Variants in PLEKHG3 observed in about 807,000 individuals in gnomAD.
PLEKHG3 encodes the protein pleckstrin homology domain-containing family G member 3.
PLEKHG3 carries 62 observed loss-of-function variants against 94.9 expected under a neutral mutation model. That is an observed-to-expected ratio of 0.65 (90% CI 0.53 to 0.81). The LOEUF is 0.81. PLEKHG3 is among the 30% of genes least tolerant of loss of function. PLEKHG3 has a pLI of 0.00. For missense variants in PLEKHG3, 1,461 were observed against 1,619.3 expected, an observed-to-expected ratio of 0.90 and a Z score of 1.68; for synonymous variants, 614 against 654.0, an observed-to-expected ratio of 0.94 and a Z score of 0.93.
chr14:64,729,896 C>T (rs2081426607), intron 3 of PLEKHG3, among the ~76,000 whole-genome samples: 1 of 152,120 alleles, frequency 6.6e-6, no homozygotes, highest in Non-Finnish European at 1.5e-5. Context: ...TTTGCTAGTC[C>T]CCATTCTCTC....
intron 12 of PLEKHG3, among the ~76,000 whole-genome samples, chr14:64,734,888 T>C (rs545636640): frequency 6.8e-6 from 1 of 148,130 alleles, no homozygotes; most frequent in South Asian, 2.1e-4. Flanking sequence ...GCCCAGCTAG[T>C]TTTTTTTTTG....
In PLEKHG3 at chr14:64,749,816, G is replaced by A. The variant is rs2081916264; in HGVS notation, c.*6113G>A. 6.7e-7 allele frequency: 1 copy of A among 1,496,212 alleles called. No individual in the cohort carries two copies. The highest frequency in any genetic ancestry group is 1.4e-5 in the African/African-American group (1 of 72,090). 92.7% of individuals were successfully genotyped at this position (1,496,212 alleles called of 1,614,324 possible). ...ATCCAGACCCCTCTCAGGCAGCCCA[G>A]CACTTTCTGAGAGGTCAAAGTCTGG... is the stretch of plus-strand genomic sequence containing the variant. On this transcript the variant is annotated 3_prime_UTR_variant, in exon 17 of 17. Coordinates refer to ENST00000247226, the MANE Select transcript of PLEKHG3 (RefSeq NM_001308147.2). This position sits in a 1 kb window ranked among gnomAD's most constrained non-coding sequence, Gnocchi z 4.7.
intron 12 of PLEKHG3, among the ~76,000 whole-genome samples, chr14:64,734,730 T>TTTCC (rs1235472969): frequency 1.9e-4 from 26 of 136,624 alleles, no homozygotes; most frequent in Admixed American, 6.5e-4. Context: ...TCCTTCCTTC[T>TTTCC]TTCCTTCCTT....
At chr14:64,737,053 G>C (rs1384039607) in intron 13 of PLEKHG3, 162 bp downstream of exon 13, 5 of 700,852 alleles carry the variant, frequency 7.1e-6, no homozygotes, top group Admixed American at 2.1e-5. Context: ...CTCGCCCCTG[G>C]CTGGCTGAGG....
In PLEKHG3 at chr14:64,741,616, C is replaced by T. The variant is rs142605456; in HGVS notation, c.2099C>T (p.Ser700Phe). 14 of 1,612,832 alleles carry T rather than the reference C, an allele frequency of 8.7e-6. No homozygotes were observed. The highest frequency in any genetic ancestry group is 1.6e-4 in the Middle Eastern group (1 of 6,084). ...SPGCPVEPDRSSCKKKESALS... is the reference protein window; with the variant it reads ...SPGCPVEPDRFSCKKKESALS... ...GGCTGCCCAGTGGAGCCTGACCGGT[C>T]TTCCTGCAAGAAGAAGGAATCAGCA... The change falls in exon 16 of 17, where the codon TCT (serine) becomes TTT (phenylalanine). Residue 700 changes from serine (S) to phenylalanine (F), a missense_variant. Around this residue, in one of 3 missense-constraint regions of PLEKHG3, gnomAD observed 1,201 missense variants for 1,295.5 expected, o/e 0.93. Coordinates refer to ENST00000247226, the MANE Select transcript of PLEKHG3 (RefSeq NM_001308147.2).
chr14:64,713,964 A>G (rs1227117837), intron 1 of PLEKHG3, among the ~76,000 whole-genome samples: 1 of 151,866 alleles, frequency 6.6e-6, no homozygotes, highest in African/African-American at 2.4e-5. Context: ...TGCTTTTTCT[A>G]ATTGGCCTGT....
rs1312803185 is a variant in PLEKHG3 at position 64,735,479 on chromosome 14, G to A, written c.1346-1374G>A. Reference sequence around the variant, plus strand: ...TAAAAAGTTAGCTAGGCATGGTGGTGTGCACCTATAGTCCTAGCTACTCTG... The same window carrying A: ...TAAAAAGTTAGCTAGGCATGGTGGTATGCACCTATAGTCCTAGCTACTCTG... On this transcript the variant is annotated intron_variant, in intron 12 of 16. Coordinates refer to ENST00000247226, the MANE Select transcript of PLEKHG3 (RefSeq NM_001308147.2). Among the ~76,000 whole-genome samples the A allele has an allele frequency of 3.3e-5, 5 of 152,072 alleles. No homozygotes were observed. In the East Asian group the frequency reaches 9.6e-4, roughly 29 times the overall value.
intron 1 of PLEKHG3, among the ~76,000 whole-genome samples, chr14:64,713,779 G>A (rs1421822468): frequency 6.6e-6 from 1 of 150,914 alleles, no homozygotes; most frequent in Non-Finnish European, 1.5e-5. Flanking sequence ...TTTTTTCTCT[G>A]TGGACCTCTA....
chr14:64,733,357 G>A (rs1188389070), intron 12 of PLEKHG3, among the ~76,000 whole-genome samples: 1 of 148,604 alleles, frequency 6.7e-6, no homozygotes, highest in Non-Finnish European at 1.5e-5. Context: ...GTAGAGATGG[G>A]ATTTCACTAT....
rs1331869607 is a variant in PLEKHG3, at chr14:64,745,301, GGGGCCTGGGAGGTAGAGGCTTCA to G, written c.*1608_*1630del. On this transcript the variant is annotated 3_prime_UTR_variant, in exon 17 of 17. Coordinates refer to ENST00000247226, the MANE Select transcript of PLEKHG3 (RefSeq NM_001308147.2). This position sits in a 1 kb window ranked among gnomAD's most constrained non-coding sequence, Gnocchi z 5.0. ...ATTTTGCTTAATTTTTTTTCTAGCTGGGGCCTGGGAGGTAGAGGCTTCAGGGCCTGGGTGGTAGAGCTGCCTGA... is the reference window on the plus strand; with the variant it reads ...ATTTTGCTTAATTTTTTTTCTAGCTGGGGCCTGGGTGGTAGAGCTGCCTGA... 1.3e-5 allele frequency: 2 copies of G among 152,176 alleles called. No homozygotes were observed. Among genetic ancestry groups the G allele is most frequent in the Non-Finnish European group, 2.9e-5 (2 of 68,044 alleles). 9.4% of individuals were successfully genotyped at this position (152,176 alleles called of 1,614,324 possible).
In PLEKHG3 at chr14:64,722,540, C is replaced by T. The variant is rs1055863052; in HGVS notation, c.-39-5053C>T. ...TGGCCACGAGGACTTTCCCTGTGTG[C>T]AGGTGCCGTGTGGATTCCTCCCCAG... On this transcript the variant is annotated intron_variant, in intron 1 of 16. Coordinates refer to ENST00000247226, the MANE Select transcript of PLEKHG3 (RefSeq NM_001308147.2). The surrounding 1 kb of genome is among the most constrained non-coding windows in gnomAD (Gnocchi z 4.3). Among the ~76,000 whole-genome samples, 9 of 152,178 alleles carry T rather than the reference C, an allele frequency of 5.9e-5. No homozygotes were observed. The highest frequency in any genetic ancestry group is 2.2e-4 in the African/African-American group (9 of 41,438).
intron 16 of PLEKHG3, 103 bp downstream of exon 16, chr14:64,742,558 T>G: frequency 1.2e-6 from 1 of 851,184 alleles, no homozygotes; most frequent in Non-Finnish European, 1.8e-6. Context: ...AAGGAGGCTC[T>G]ACCAAAGGGA....
chr14:64,724,537 T>A (rs546772875), intron 1 of PLEKHG3, among the ~76,000 whole-genome samples: 5 of 152,284 alleles, frequency 3.3e-5, no homozygotes, highest in African/African-American at 1.2e-4. Flanking sequence ...CTGTGATCCT[T>A]TGACCGGGAA....
chr14:64,710,682 A>T (rs2081054855), intron 1 of PLEKHG3, among the ~76,000 whole-genome samples: 1 of 152,136 alleles, frequency 6.6e-6, no homozygotes, highest in South Asian at 2.1e-4. Flanking sequence ...AAAAGAAATT[A>T]AAAAAATAAA....
chr14:64,730,676 A>G lies in PLEKHG3; in HGVS notation c.554A>G (p.Asn185Ser). 1 of 1,613,204 alleles carries G rather than the reference A, an allele frequency of 6.2e-7. No homozygotes were observed. Among genetic ancestry groups the G allele is most frequent in the Non-Finnish European group, 8.5e-7 (1 of 1,179,112 alleles). ...TTTGATATCTACACTCAGTATTGCA[A>G]CAATTACCCCAAGTGAGTAATTGGG... ...QEFDIYTQYCNNYPNSVAALT... is the reference protein window; with the variant it reads ...QEFDIYTQYCSNYPNSVAALT... The change falls in exon 5 of 17, where the codon AAC (asparagine) becomes AGC (serine). Residue 185 changes from asparagine to serine, a missense_variant. Coordinates refer to ENST00000247226, the MANE Select transcript of PLEKHG3 (RefSeq NM_001308147.2). The surrounding 1 kb of genome is among the most constrained non-coding windows in gnomAD (Gnocchi z 5.4).
At chr14:64,708,251 C>G (rs1238571598) in intron 1 of PLEKHG3, among the ~76,000 whole-genome samples, 2 of 152,328 alleles carry the variant, frequency 1.3e-5, no homozygotes, top group Non-Finnish European at 1.5e-5. Flanking sequence ...TGACCACCCC[C>G]CTCTTGCTCT....
In PLEKHG3 at chr14:64,727,654, A is replaced by G. The variant is rs2081377786; in HGVS notation, c.23A>G (p.His8Arg). The G allele has an allele frequency of 6.2e-7, 1 of 1,611,818 alleles. No homozygotes were observed. Among genetic ancestry groups the G allele is most frequent in the Non-Finnish European group, 8.5e-7 (1 of 1,179,254 alleles). Residue 8 changes from histidine (H) to arginine (R), a missense_variant, in exon 2 of 17, where the codon CAC (histidine) becomes CGC (arginine). By Grantham distance (29) the His-to-Arg change is conservative. Transcript: ENST00000247226. This position sits in a 1 kb window ranked among gnomAD's most constrained non-coding sequence, Gnocchi z 6.0. Reference sequence around the variant, plus strand: ...AGGATGCCTGTGTCCACCTCCCTCCACCAGGATGGCAGCCAGGAGCGGCCG... The same window carrying G: ...AGGATGCCTGTGTCCACCTCCCTCCGCCAGGATGGCAGCCAGGAGCGGCCG... MPVSTSL[H>R]QDGSQERPVS...
chr14:64,742,904 T>C (rs1368697094), intron 16 of PLEKHG3, 78 bp from the exon 17 acceptor site: 22 of 1,434,274 alleles, frequency 1.5e-5, no homozygotes, highest in Non-Finnish European at 2.0e-5. Context: ...GGAAAGTGAG[T>C]TGGGGCCTGC....
Position 64,736,983 on chromosome 14 carries a change from G to T in PLEKHG3, c.1384+92G>T, listed in dbSNP as rs952920437. ...CGACAACCTGGGGTGTGACCTGAGGGTGGAGGATTGTCAGAATAGTGTAGA... is the reference window on the plus strand; with the variant it reads ...CGACAACCTGGGGTGTGACCTGAGGTTGGAGGATTGTCAGAATAGTGTAGA... On this transcript the variant is annotated intron_variant, in intron 13 of 16. Transcript: ENST00000247226. 2.2e-5 allele frequency: 21 copies of T among 936,184 alleles called. No individual in the cohort carries two copies. The Admixed American group carries it at 3.8e-4, about 17-fold the overall frequency. 58.0% of individuals were successfully genotyped at this position (936,184 alleles called of 1,614,324 possible).
Sources: gnomAD v4.1 joint callset for allele counts (sites outside exome capture counted in the v4.1 genomes callset) on GRCh38, gnomAD v4.1.1 for gene constraint, gnomAD v4.1.1 regional missense constraint, Gnocchi (gnomAD v3.1) non-coding constraint, MANE v1.5 for transcripts, NCBI Gene and HGNC (gene_info 2026-07-23, HGNC 2026-07-21) for gene names.